Variants in NAALADL2 observed in about 807,000 individuals in gnomAD.
The protein encoded by NAALADL2 is N-acetylated alpha-linked acidic dipeptidase like 2, also known as inactive N-acetylated-alpha-linked acidic dipeptidase-like protein 2.
A neutral mutation model predicts 87.2 loss-of-function variants in NAALADL2; 76 were observed. The ratio of observed to expected loss-of-function variants is 0.87; its 90% CI spans 0.72 to 1.05. The LOEUF (loss-of-function observed/expected upper bound fraction) is 1.05. Ranked by LOEUF, NAALADL2 falls within the 50% of genes least tolerant of loss-of-function variation. NAALADL2 has a pLI of 0.00. For synonymous variants in NAALADL2, 354 were observed against 331.0 expected, an observed-to-expected ratio of 1.07 and a Z score of -0.75; for missense variants, 1,089 against 945.8, an observed-to-expected ratio of 1.15 and a Z score of -1.99.
rs1304949031 is a variant in NAALADL2, at chr3:174,898,005, T to C, written c.43+38555T>C. 1.6e-4 allele frequency among the ~76,000 whole-genome samples: 21 copies of C among 133,120 alleles called. 1 individual carries two copies. Among genetic ancestry groups the C allele is most frequent in the East Asian group, 6.6e-4 (3 of 4,526 alleles). 87.3% of individuals were successfully genotyped at this position (133,120 alleles called of 152,430 possible). ...GCGGGCGCCTGTAGTCCCAGCTACT[T>C]GGGAGGCTGAGGCAGGAGAATGGCG... On this transcript the variant is annotated intron_variant, in intron 1 of 13. Transcript: ENST00000454872.
chr3:175,701,960 C>T (rs1173334408), intron 11 of NAALADL2, among the ~76,000 whole-genome samples: 1 of 152,058 alleles, frequency 6.6e-6, no homozygotes, highest in African/African-American at 2.4e-5. Context: ...CTAATTTATC[C>T]AAATTTTAAT....
chr3:174,448,708 G>T (rs1297118026), intron 1 of NAALADL2, among the ~76,000 whole-genome samples: 1 of 152,056 alleles, frequency 6.6e-6, no homozygotes, highest in African/African-American at 2.4e-5. Flanking sequence ...TAAAATAGCA[G>T]GAAAGAAATG....
Position 175,808,326 on chromosome 3 carries a change from T to C in NAALADL2, c.*5123T>C, listed in dbSNP as rs1045448930. 5 of 151,996 alleles carry C rather than the reference T, an allele frequency of 3.3e-5. No individual in the cohort carries two copies. Among genetic ancestry groups the C allele is most frequent in the Admixed American group, 2.0e-4 (3 of 15,194 alleles). 9.4% of individuals were successfully genotyped at this position (151,996 alleles called of 1,614,324 possible). On this transcript the variant is annotated 3_prime_UTR_variant, in exon 14 of 14. Coordinates refer to ENST00000454872, the MANE Select transcript of NAALADL2 (RefSeq NM_207015.3). ...AATGAAGTGGCTTCAAATTTTAGTG[T>C]TTCTGGTTACATTATTTTGTTTGAA...
chr3:174,882,779 A>ACACGTGTGTATATGTG (rs1729529044), intron 1 of NAALADL2, among the ~76,000 whole-genome samples: 1 of 139,588 alleles, frequency 7.2e-6, no homozygotes. Context: ...GTGTATATAT[A>ACACGTGTGTATATGTG]CATATGTGTA....
intron 2 of NAALADL2, among the ~76,000 whole-genome samples, chr3:175,125,410 G>A (rs1455897999): frequency 2.0e-5 from 3 of 151,948 alleles, no homozygotes; most frequent in Non-Finnish European, 2.9e-5. Flanking sequence ...ATAGCGCTAA[G>A]TGGGAGAGAA....
At chr3:174,861,757 A>G (rs1172871341) in intron 1 of NAALADL2, among the ~76,000 whole-genome samples, 1 of 152,034 alleles carries the variant, frequency 6.6e-6, no homozygotes, top group African/African-American at 2.4e-5. Flanking sequence ...AGCCATAGAT[A>G]TTATCAATGA....
chr3:175,590,859 T>A (rs1259415661), intron 10 of NAALADL2, among the ~76,000 whole-genome samples: 1 of 152,140 alleles, frequency 6.6e-6, no homozygotes, highest in Admixed American at 6.5e-5. Flanking sequence ...GGACATAGTT[T>A]GAAAATTATA....
intron 5 of NAALADL2, among the ~76,000 whole-genome samples, chr3:175,383,300 A>T (rs1316951709): frequency 6.6e-6 from 1 of 151,996 alleles, no homozygotes; most frequent in Non-Finnish European, 1.5e-5. Flanking sequence ...ATATTTTATT[A>T]AGTAACAAAT....
chr3:175,029,858 A>G, intron 1 of NAALADL2, among the ~76,000 whole-genome samples: 1 of 152,074 alleles, frequency 6.6e-6, no homozygotes, highest in East Asian at 1.9e-4. Context: ...GAGTGTTCCA[A>G]AGATTTCTTT....
At chr3:175,335,730 A>T (rs1017778132) in intron 5 of NAALADL2, among the ~76,000 whole-genome samples, 1 of 152,160 alleles carries the variant, frequency 6.6e-6, no homozygotes, top group African/African-American at 2.4e-5. Flanking sequence ...TTGTATGAAA[A>T]ATTGTGTTGC....
intron 3 of NAALADL2, among the ~76,000 whole-genome samples, chr3:174,830,452 G>A (rs1329162038): frequency 6.6e-6 from 1 of 152,016 alleles, no homozygotes; most frequent in Non-Finnish European, 1.5e-5. Flanking sequence ...TGAGGGCTCT[G>A]TTCTTTTCCA....
At chr3:175,709,951 A>G (rs1740302017) in intron 11 of NAALADL2, among the ~76,000 whole-genome samples, 1 of 152,058 alleles carries the variant, frequency 6.6e-6, no homozygotes, top group South Asian at 2.1e-4. Flanking sequence ...GGAAATCAAG[A>G]CTGTGAATAC....
At chr3:175,368,252 G>T (rs1363317782) in intron 5 of NAALADL2, among the ~76,000 whole-genome samples, 4 of 152,212 alleles carry the variant, frequency 2.6e-5, no homozygotes, top group East Asian at 3.9e-4. Flanking sequence ...GCTGGATTCG[G>T]GTTGCCAGTA....
chr3:175,653,067 T>G (rs533390730), intron 11 of NAALADL2, among the ~76,000 whole-genome samples: 1 of 152,208 alleles, frequency 6.6e-6, no homozygotes, highest in African/African-American at 2.4e-5. Context: ...ATCATATAAA[T>G]AAGATAAAAT....
intron 11 of NAALADL2, among the ~76,000 whole-genome samples, chr3:175,666,431 C>A (rs1733002426): frequency 6.6e-6 from 1 of 152,098 alleles, no homozygotes; most frequent in Non-Finnish European, 1.5e-5. Context: ...TCTGTTTTAT[C>A]ACTTGTAGTA....
At chr3:175,781,368 T>C (rs946992670) in intron 13 of NAALADL2, among the ~76,000 whole-genome samples, 2 of 152,116 alleles carry the variant, frequency 1.3e-5, no homozygotes, top group African/African-American at 4.8e-5. Context: ...GCTGAAAATC[T>C]CCTATTGCCT....
intron 1 of NAALADL2, among the ~76,000 whole-genome samples, chr3:175,013,937 AT>A (rs1368451948): frequency 6.6e-6 from 1 of 152,118 alleles, no homozygotes; most frequent in Non-Finnish European, 1.5e-5. Context: ...ATCTTAGGAT[AT>A]TTAAGGTGCA....
At chr3:174,853,248 C>T (rs866907862) in intron 3 of NAALADL2, among the ~76,000 whole-genome samples, 7 of 141,654 alleles carry the variant, frequency 4.9e-5, no homozygotes, top group African/African-American at 1.6e-4. Context: ...TGTGGTGGCT[C>T]GCACCTGTAG....
chr3:175,561,860 T>C (rs1716326160), intron 9 of NAALADL2, among the ~76,000 whole-genome samples: 1 of 152,232 alleles, frequency 6.6e-6, no homozygotes, highest in Non-Finnish European at 1.5e-5. Context: ...GGTATCTTTT[T>C]TGTGTGACTA....
Sources: gnomAD v4.1 joint callset for allele counts (sites outside exome capture counted in the v4.1 genomes callset) on GRCh38, gnomAD v4.1.1 for gene constraint, MANE v1.5 for transcripts, NCBI Gene and HGNC (gene_info 2026-07-23, HGNC 2026-07-21) for gene names.